The following SEZ6L variants were observed in gnomAD, a reference collection of about 807,000 sequenced individuals.
SEZ6L encodes the protein seizure 6-like protein.
In SEZ6L, 37 loss-of-function variants were observed where a neutral mutation model predicts 106.2. The observed-to-expected ratio is 0.35, with a 90% CI of 0.27 to 0.46. The LOEUF is 0.46. Ranked by LOEUF, SEZ6L falls within the 20% of genes least tolerant of loss-of-function variation. The pLI, the probability that SEZ6L is intolerant of heterozygous loss-of-function variation, is 1.00. For missense variants in SEZ6L, 1,172 were observed against 1,332.8 expected (o/e 0.88, Z 1.88); for synonymous variants, 541 against 570.4 (o/e 0.95, Z 0.73).
intron 1 of SEZ6L, among the ~76,000 whole-genome samples, chr22:26,228,710 TA>T (rs1156652243): frequency 1.3e-5 from 2 of 152,196 alleles, no homozygotes; most frequent in Non-Finnish European, 2.9e-5. Flanking sequence ...ACATCTCCTT[TA>T]ATGATCACAA....
At chr22:26,188,589 A>G (rs1939958840) in intron 1 of SEZ6L, among the ~76,000 whole-genome samples, 1 of 152,220 alleles carries the variant, frequency 6.6e-6, no homozygotes, top group Admixed American at 6.5e-5. Context: ...GTACTAAGTC[A>G]TGATATAGTG....
At chr22:26,328,725 T>G (rs561079996) in intron 9 of SEZ6L, among the ~76,000 whole-genome samples, 1 of 152,278 alleles carries the variant, frequency 6.6e-6, no homozygotes, top group East Asian at 1.9e-4. Flanking sequence ...GGAATCTCTT[T>G]CCTACTCTTT....
At chr22:26,350,086 C>T (rs968007125) in intron 11 of SEZ6L, among the ~76,000 whole-genome samples, 18 of 151,838 alleles carry the variant, frequency 1.2e-4, no homozygotes, top group Admixed American at 3.9e-4. Flanking sequence ...TGCAATGTTT[C>T]CTTTTTAAAA....
intron 1 of SEZ6L, among the ~76,000 whole-genome samples, chr22:26,286,816 C>T (rs895407001): frequency 5.4e-5 from 8 of 147,894 alleles, no homozygotes; most frequent in African/African-American, 1.0e-4. Flanking sequence ...GGCACAATCT[C>T]GGCTCACTGC....
chr22:26,294,950 T>G lies in SEZ6L; in HGVS notation c.969+525T>G, dbSNP rs532854748. On this transcript the variant is annotated intron_variant, in intron 3 of 16. Transcript: ENST00000248933. ...TTCTCTTTCTCTTTCTTTCTTTCTTTCTTTCTTTCTTGCTTGCTTGCTTGC... is the reference window on the plus strand; with the variant it reads ...TTCTCTTTCTCTTTCTTTCTTTCTTGCTTTCTTTCTTGCTTGCTTGCTTGC... 1.7e-3 allele frequency among the ~76,000 whole-genome samples: 258 copies of G among 150,372 alleles called. 5 individuals are homozygous for G. Among genetic ancestry groups the G allele is most frequent in the African/African-American group, 6.1e-3 (245 of 40,010 alleles).
chr22:26,363,757 G>A lies in SEZ6L; in HGVS notation c.2600-1615G>A, dbSNP rs2083714014. Among the ~76,000 whole-genome samples, 4 of 152,328 alleles carry A rather than the reference G, an allele frequency of 2.6e-5. No individual in the cohort carries two copies. The South Asian group carries it at 8.3e-4, about 32-fold the overall frequency. On this transcript the variant is annotated intron_variant, in intron 12 of 16. Transcript: ENST00000248933. ...TTGTTCAGAGTAGCCAAAAGGGGAAGCGACACAAGTGTCCATCGATGGATG... is the reference window on the plus strand; with the variant it reads ...TTGTTCAGAGTAGCCAAAAGGGGAAACGACACAAGTGTCCATCGATGGATG...
At chr22:26,348,646 A>AAGAAAGAAAGAAAG (rs1556371589) in intron 11 of SEZ6L, among the ~76,000 whole-genome samples, 3 of 7,690 alleles carry the variant, frequency 3.9e-4, no homozygotes, top group Non-Finnish European at 6.0e-4. Flanking sequence ...GAAAGAAAGA[A>AAGAAAGAAAGAAAG]AAAGAAAGAA....
At chr22:26,340,045 G>A (rs2082776346) in intron 9 of SEZ6L, among the ~76,000 whole-genome samples, 1 of 152,038 alleles carries the variant, frequency 6.6e-6, no homozygotes, top group Non-Finnish European at 1.5e-5. Context: ...GACCAGCCTG[G>A]GCAACACGGT....
intron 9 of SEZ6L, among the ~76,000 whole-genome samples, chr22:26,336,778 C>T (rs1162257967): frequency 2.6e-5 from 4 of 152,170 alleles, no homozygotes; most frequent in South Asian, 2.1e-4. Flanking sequence ...GGCCTCCACT[C>T]ACCCATGGTA....
At chr22:26,216,584 A>T (rs1407285871) in intron 1 of SEZ6L, among the ~76,000 whole-genome samples, 2 of 152,056 alleles carry the variant, frequency 1.3e-5, no homozygotes, top group African/African-American at 4.8e-5. Flanking sequence ...TGAACCCGGG[A>T]GGCGGAGGTT....
At chr22:26,211,901 G>T (rs1171429381) in intron 1 of SEZ6L, among the ~76,000 whole-genome samples, 3 of 149,608 alleles carry the variant, frequency 2.0e-5, no homozygotes, top group Admixed American at 2.0e-4. Flanking sequence ...GGTAAGCAAA[G>T]GTAGACAAAA....
chr22:26,330,228 C>A (rs140061729), intron 9 of SEZ6L, among the ~76,000 whole-genome samples: 1 of 152,138 alleles, frequency 6.6e-6, no homozygotes, highest in Non-Finnish European at 1.5e-5. Flanking sequence ...TGTCTTCCAA[C>A]GACGTCTGTT....
Position 26,249,523 on chromosome 22 carries a change from C to CGTGT in SEZ6L, c.95-42870_95-42867dup, listed in dbSNP as rs140057852. Among the ~76,000 whole-genome samples the CGTGT allele has an allele frequency of 7.3e-5, 11 of 151,116 alleles. No homozygotes were observed. In the East Asian group the frequency reaches 1.7e-3, roughly 24 times the overall value. On this transcript the variant is annotated intron_variant, in intron 1 of 16. Transcript: ENST00000248933. ...CTTTTTTAAATGGCTGAATAGTATT[C>CGTGT]GTGTGTGTGTGTGTGTATGTGTGTC...
At chr22:26,324,903 C>G (rs150552331) in intron 9 of SEZ6L, among the ~76,000 whole-genome samples, 1 of 152,178 alleles carries the variant, frequency 6.6e-6, no homozygotes, top group Non-Finnish European at 1.5e-5. Flanking sequence ...GCATGTATTT[C>G]TGTTCACGAG....
chr22:26,330,633 T>C (rs376585021), intron 9 of SEZ6L, among the ~76,000 whole-genome samples: 1 of 152,316 alleles, frequency 6.6e-6, no homozygotes. Flanking sequence ...GACCCAGCTG[T>C]GGACTTCCTG....
At chr22:26,298,091 G>T (rs1346902679) in intron 4 of SEZ6L, among the ~76,000 whole-genome samples, 1 of 152,140 alleles carries the variant, frequency 6.6e-6, no homozygotes, top group African/African-American at 2.4e-5. Flanking sequence ...TCTCTCACCT[G>T]TTTCTGAAAC....
At chr22:26,317,540 G>A (rs143034735) in intron 9 of SEZ6L, among the ~76,000 whole-genome samples, 1,586 of 151,880 alleles carry the variant, frequency 0.01, 17 homozygotes, top group Non-Finnish European at 0.013. Context: ...AAGAAAATGG[G>A]AATCTTTACT....
chr22:26,206,252 C>T (rs1941265107), intron 1 of SEZ6L, among the ~76,000 whole-genome samples: 1 of 152,226 alleles, frequency 6.6e-6, no homozygotes, highest in Non-Finnish European at 1.5e-5. Flanking sequence ...GAGGGCCCAA[C>T]CCCAATCGTC....
At chr22:26,219,254 G>GTGTGT (rs1556124260) in intron 1 of SEZ6L, among the ~76,000 whole-genome samples, 1 of 135,088 alleles carries the variant, frequency 7.4e-6, no homozygotes, top group Non-Finnish European at 1.6e-5. Flanking sequence ...AGAAATACAA[G>GTGTGT]TTTTTTTTTT....
Sources: gnomAD v4.1 joint callset for allele counts (sites outside exome capture counted in the v4.1 genomes callset) on GRCh38, gnomAD v4.1.1 for gene constraint, MANE v1.5 for transcripts, NCBI Gene and HGNC (gene_info 2026-07-23, HGNC 2026-07-21) for gene names.